The following NRXN3 variants were observed in gnomAD, a reference collection of about 807,000 sequenced individuals.
NRXN3 encodes the protein neurexin 3.
A neutral mutation model predicts 137.6 loss-of-function variants in NRXN3; 32 were observed. That is an observed-to-expected ratio of 0.23 (90% CI 0.18 to 0.31). NRXN3 has a LOEUF of 0.31. Ranked by LOEUF, NRXN3 falls within the 10% of genes least tolerant of loss-of-function variation. The pLI is 1.00. For missense variants in NRXN3, 1,574 were observed against 2,062.5 expected (o/e 0.76, Z 4.59); for synonymous variants, 798 against 784.5 (o/e 1.02, Z -0.29).
chr14:78,782,465 G>A (rs2098773394), intron 8 of NRXN3, among the ~76,000 whole-genome samples: 1 of 152,140 alleles, frequency 6.6e-6, no homozygotes, highest in South Asian at 2.1e-4. Context: ...TGGTTGGAAA[G>A]GAATCAAATC....
intron 17 of NRXN3, among the ~76,000 whole-genome samples, chr14:79,675,980 A>C (rs2098638632): frequency 6.6e-6 from 1 of 152,118 alleles, no homozygotes; most frequent in South Asian, 2.1e-4. Context: ...GCCCTTATGC[A>C]TAAAGGTGCC....
At chr14:78,538,746 G>C (rs950605137) in intron 4 of NRXN3, among the ~76,000 whole-genome samples, 1 of 152,098 alleles carries the variant, frequency 6.6e-6, no homozygotes, top group Non-Finnish European at 1.5e-5. Flanking sequence ...TATTGGCTGT[G>C]GGTTTGTCAT....
At chr14:78,267,760 G>C (rs1194019682) in intron 2 of NRXN3, among the ~76,000 whole-genome samples, 1 of 152,168 alleles carries the variant, frequency 6.6e-6, no homozygotes, top group Non-Finnish European at 1.5e-5. Flanking sequence ...AGCGTTCTCT[G>C]TCAACTCTAA....
intron 10 of NRXN3, among the ~76,000 whole-genome samples, chr14:78,829,369 TCA>T (rs1333263188): frequency 6.6e-6 from 1 of 152,202 alleles, no homozygotes; most frequent in Middle Eastern, 3.2e-3. Flanking sequence ...GACAGTTAAA[TCA>T]CACTGTTTGA....
chr14:79,388,571 A>G (rs1024449987), intron 15 of NRXN3, among the ~76,000 whole-genome samples: 2 of 151,968 alleles, frequency 1.3e-5, no homozygotes, highest in African/African-American at 4.8e-5. Flanking sequence ...GCTTTGTGGC[A>G]CATAATGACA....
intron 8 of NRXN3, chr14:78,745,114 G>A (rs1230865657): frequency 6.6e-6 from 1 of 152,234 alleles, no homozygotes; most frequent in African/African-American, 2.4e-5. Context: ...AGCATGACTT[G>A]CACTTGTACT....
intron 4 of NRXN3, among the ~76,000 whole-genome samples, chr14:78,393,230 A>C (rs144778066): frequency 4.5e-4 from 69 of 152,062 alleles, no homozygotes; most frequent in African/African-American, 1.6e-3. Context: ...ATTTTGAGGT[A>C]ATCGTATATT....
At chr14:79,086,651 G>A (rs887270947) in intron 15 of NRXN3, among the ~76,000 whole-genome samples, 1 of 152,128 alleles carries the variant, frequency 6.6e-6, no homozygotes, top group Non-Finnish European at 1.5e-5. Context: ...GAAAGGATAC[G>A]TCGAAGGCTT....
intron 4 of NRXN3, among the ~76,000 whole-genome samples, chr14:78,560,166 C>A (rs1174462063): frequency 6.6e-6 from 1 of 152,094 alleles, no homozygotes; most frequent in African/African-American, 2.4e-5. Context: ...TTATTTTTTT[C>A]TTTTCTTGAC....
chr14:79,860,988 A>G, intron 20 of NRXN3: 2 of 1,129,326 alleles, frequency 1.8e-6, no homozygotes, highest in South Asian at 2.2e-5. Context: ...TGGTTGAGTG[A>G]GAGTTGTTTA....
intron 1 of NRXN3, among the ~76,000 whole-genome samples, chr14:78,238,092 C>T (rs2066557926): frequency 6.6e-6 from 1 of 152,058 alleles, no homozygotes; most frequent in Non-Finnish European, 1.5e-5. Context: ...GCCAGATCTT[C>T]TGAGCCACAC....
intron 16 of NRXN3, among the ~76,000 whole-genome samples, chr14:79,568,871 C>T (rs898538864): frequency 3.9e-5 from 6 of 152,274 alleles, no homozygotes; most frequent in South Asian, 2.1e-4. Flanking sequence ...AACAGAAGAA[C>T]ATTGGCTAAT....
intron 8 of NRXN3, among the ~76,000 whole-genome samples, chr14:78,802,527 G>C (rs1254675725): frequency 6.6e-6 from 1 of 152,166 alleles, no homozygotes; most frequent in African/African-American, 2.4e-5. Flanking sequence ...AAAACTTAAA[G>C]TATAATAATA....
chr14:79,412,843 A>G (rs909548852), intron 15 of NRXN3, among the ~76,000 whole-genome samples: 27 of 148,976 alleles, frequency 1.8e-4, no homozygotes, highest in African/African-American at 6.6e-4. Flanking sequence ...GGACATTTTC[A>G]TTAGTTAAAA....
At chr14:79,157,987 A>G (rs1244525814) in intron 15 of NRXN3, among the ~76,000 whole-genome samples, 1 of 151,572 alleles carries the variant, frequency 6.6e-6, no homozygotes, top group Non-Finnish European at 1.5e-5. Flanking sequence ...TGAGAAGGGG[A>G]TTGTGATTGA....
chr14:78,842,560 G>A (rs902908290), intron 10 of NRXN3, among the ~76,000 whole-genome samples: 2 of 152,138 alleles, frequency 1.3e-5, no homozygotes, highest in African/African-American at 4.8e-5. Flanking sequence ...TTTCAGGCAC[G>A]CATTGTCATT....
chr14:79,839,547 C>T (rs1441052876), intron 20 of NRXN3, among the ~76,000 whole-genome samples: 1 of 152,092 alleles, frequency 6.6e-6, no homozygotes, highest in African/African-American at 2.4e-5. Flanking sequence ...GGTTATTAAT[C>T]CCTTGTTAAA....
chr14:79,857,037 T>C lies in NRXN3; in HGVS notation c.4094-4305T>C, dbSNP rs558504539. Among the ~76,000 whole-genome samples the C allele has an allele frequency of 2.8e-4, 42 of 152,282 alleles. No homozygotes were observed. The East Asian group carries it at 7.7e-3, about 28-fold the overall frequency. ...GTATTACTCTGCTCATAACCCTTTA[T>C]GACTTTGGGTTATTTGCTTCCATGA... On this transcript the variant is annotated intron_variant, in intron 20 of 20. Transcript: ENST00000335750.
At chr14:78,238,668 A>G (rs963482354) in intron 1 of NRXN3, among the ~76,000 whole-genome samples, 6 of 152,250 alleles carry the variant, frequency 3.9e-5, no homozygotes, top group African/African-American at 1.4e-4. Flanking sequence ...ATAGAGGGTT[A>G]AGTCTACATA....
Sources: gnomAD v4.1 joint callset for allele counts (sites outside exome capture counted in the v4.1 genomes callset) on GRCh38, gnomAD v4.1.1 for gene constraint, MANE v1.5 for transcripts, NCBI Gene and HGNC (gene_info 2026-07-23, HGNC 2026-07-21) for gene names.